SLC14A2: variants seen among roughly 807,000 people sequenced by gnomAD.
SLC14A2 encodes the protein urea transporter 2.
In SLC14A2, 91 loss-of-function variants were observed where a neutral mutation model predicts 104.6. The observed-to-expected ratio is 0.87, with a 90% CI of 0.73 to 1.04. The LOEUF (loss-of-function observed/expected upper bound fraction) is 1.04, where lower values mean the gene tolerates loss of function less well. SLC14A2 is among the 50% of genes least tolerant of loss of function. The pLI is 0.00. For synonymous variants in SLC14A2, 476 were observed against 466.4 expected (o/e 1.02, Z -0.27); for missense variants, 1,189 against 1,156.0 (o/e 1.03, Z -0.41).
At chr18:45,639,330 A>C (rs2045477948) in intron 6 of SLC14A2, among the ~76,000 whole-genome samples, 1 of 152,220 alleles carries the variant, frequency 6.6e-6, no homozygotes, top group Non-Finnish European at 1.5e-5. Flanking sequence ...ACTTTTAGTC[A>C]AATCATACAT....
At chr18:45,563,163 T>G (rs1004472902) in intron 2 of SLC14A2, among the ~76,000 whole-genome samples, 1 of 152,178 alleles carries the variant, frequency 6.6e-6, no homozygotes, top group Non-Finnish European at 1.5e-5. Flanking sequence ...CCTTGTAGAA[T>G]GAGAGGCAGG....
rs1416804424 is a variant in SLC14A2, at chr18:45,499,348, A to T, written c.-35+16026A>T. 2.6e-5 allele frequency among the ~76,000 whole-genome samples: 4 copies of T among 152,360 alleles called. No individual in the cohort carries two copies. In the South Asian group the frequency reaches 8.3e-4, roughly 32 times the overall value. Reference sequence around the variant, plus strand: ...TTTTACAAAATGTAACTATGATGTCATGTGGCTGATCCACACTACACTTAA... The same window carrying T: ...TTTTACAAAATGTAACTATGATGTCTTGTGGCTGATCCACACTACACTTAA... On this transcript the variant is annotated intron_variant, in intron 2 of 20. Coordinates refer to the SLC14A2 transcript ENST00000586448.
chr18:45,366,326 C>T (rs930660685), intron 1 of SLC14A2, among the ~76,000 whole-genome samples: 2 of 152,146 alleles, frequency 1.3e-5, no homozygotes, highest in African/African-American at 4.8e-5. Context: ...CTCTCCTCTC[C>T]TCAAGAAAGG....
intron 1 of SLC14A2, among the ~76,000 whole-genome samples, chr18:45,458,794 CAGAG>C (rs2086990204): frequency 2.0e-5 from 3 of 152,124 alleles, no homozygotes; most frequent in Admixed American, 1.3e-4. Context: ...GGATCTGTGA[CAGAG>C]AGAGTGAGGG....
At chr18:45,363,864 C>G (rs1340611692) in intron 1 of SLC14A2, among the ~76,000 whole-genome samples, 3 of 152,168 alleles carry the variant, frequency 2.0e-5, no homozygotes, top group Admixed American at 2.0e-4. Context: ...GGCCTCACTT[C>G]TCCTTTAACA....
At chr18:45,285,886 T>C (rs1028639322) in intron 1 of SLC14A2, among the ~76,000 whole-genome samples, 2 of 152,288 alleles carry the variant, frequency 1.3e-5, no homozygotes, top group Admixed American at 1.3e-4. Context: ...TTCTCAGCCA[T>C]GGCTTCCCAT....
intron 10 of SLC14A2, chr18:45,647,264 A>C (rs1049487726): frequency 2.6e-5 from 4 of 152,242 alleles, no homozygotes; most frequent in African/African-American, 9.6e-5. Flanking sequence ...GCTAAGATAT[A>C]ATCAATTTTC....
chr18:45,447,979 C>T (rs1045065178), intron 1 of SLC14A2, among the ~76,000 whole-genome samples: 1 of 152,222 alleles, frequency 6.6e-6, no homozygotes, highest in Non-Finnish European at 1.5e-5. Context: ...TGCACCTTAA[C>T]AGTGTTGTAA....
chr18:45,472,913 G>T (rs991477159), intron 1 of SLC14A2, among the ~76,000 whole-genome samples: 2 of 152,096 alleles, frequency 1.3e-5, no homozygotes, highest in Non-Finnish European at 2.9e-5. Context: ...GGCTTTTGTT[G>T]CCATTGCTTT....
At chr18:45,647,113 C>T (rs1317017649) in intron 10 of SLC14A2, 1 of 152,234 alleles carries the variant, frequency 6.6e-6, no homozygotes, top group Non-Finnish European at 1.5e-5. Flanking sequence ...TCCTCTCATA[C>T]AACACTGATG....
At chr18:45,254,181 A>T (rs1356573427) in intron 1 of SLC14A2, among the ~76,000 whole-genome samples, 2 of 152,202 alleles carry the variant, frequency 1.3e-5, no homozygotes, top group African/African-American at 4.8e-5. Flanking sequence ...CACTCTTGCC[A>T]GCTGGCCATG....
intron 1 of SLC14A2, among the ~76,000 whole-genome samples, chr18:45,288,609 A>C (rs1239491708): frequency 1.3e-5 from 2 of 152,180 alleles, no homozygotes; most frequent in East Asian, 1.9e-4. Context: ...AACAGATCAG[A>C]AGATTCAGGA....
At chr18:45,367,972 T>A (rs1013721641) in intron 1 of SLC14A2, among the ~76,000 whole-genome samples, 1 of 152,126 alleles carries the variant, frequency 6.6e-6, no homozygotes, top group Admixed American at 6.5e-5. Context: ...GGTTGACACC[T>A]TGGATTGAAA....
intron 1 of SLC14A2, among the ~76,000 whole-genome samples, chr18:45,357,753 G>A (rs867660794): frequency 9.9e-5 from 15 of 152,224 alleles, no homozygotes; most frequent in Middle Eastern, 3.4e-3. Context: ...GAACATCAAG[G>A]AAGATTCAGG....
At chr18:45,519,812 G>A (rs1371898628) in intron 2 of SLC14A2, among the ~76,000 whole-genome samples, 3 of 152,116 alleles carry the variant, frequency 2.0e-5, no homozygotes, top group African/African-American at 7.2e-5. Context: ...TGGTTTAGCA[G>A]CCCTTTGTGA....
chr18:45,595,110 T>G (rs1446459295), intron 2 of SLC14A2, among the ~76,000 whole-genome samples: 1 of 152,230 alleles, frequency 6.6e-6, no homozygotes, highest in African/African-American at 2.4e-5. Flanking sequence ...CTCAGCATTT[T>G]CACCTCCTTG....
intron 1 of SLC14A2, among the ~76,000 whole-genome samples, chr18:45,247,098 G>A (rs1418783093): frequency 6.6e-6 from 1 of 152,058 alleles, no homozygotes; most frequent in Non-Finnish European, 1.5e-5. Flanking sequence ...TAATGTGTAG[G>A]TTCTTCCCAC....
chr18:45,636,478 C>A (rs943004616), intron 5 of SLC14A2, among the ~76,000 whole-genome samples: 4 of 152,154 alleles, frequency 2.6e-5, no homozygotes, highest in Non-Finnish European at 5.9e-5. Context: ...TCTATTTTCC[C>A]CTGGCAGTTT....
upstream of SLC14A2, among the ~76,000 whole-genome samples, chr18:45,212,794 T>G: frequency 6.6e-6 from 1 of 152,040 alleles, no homozygotes; most frequent in East Asian, 1.9e-4. Context: ...CCACATACAC[T>G]CACTTTAGTC....
Sources: allele counts gnomAD v4.1 joint callset (sites outside exome capture counted in the v4.1 genomes callset), GRCh38; gene constraint gnomAD v4.1.1; transcripts MANE v1.5; gene names NCBI Gene and HGNC (gene_info 2026-07-23, HGNC 2026-07-21).